Variants in HIBCH observed in about 807,000 individuals in gnomAD.
The protein encoded by HIBCH is 3-hydroxyisobutyryl-CoA hydrolase, mitochondrial.
Under a neutral mutation model 58.2 loss-of-function variants are expected in HIBCH, and 50 were observed. The ratio of observed to expected loss-of-function variants is 0.86; its 90% CI spans 0.68 to 1.09. HIBCH has a LOEUF of 1.09. Ranked by LOEUF, HIBCH falls within the 50% of genes least tolerant of loss-of-function variation. HIBCH has a pLI of 0.00. For synonymous variants in HIBCH, 151 were observed against 146.9 expected, an observed-to-expected ratio of 1.03 and a Z score of -0.20; for missense variants, 450 against 449.7, an observed-to-expected ratio of 1.00 and a Z score of -0.01.
chr2:190,202,883 G>A (rs1690290578), downstream of HIBCH: 1 of 167,026 alleles, frequency 6.0e-6, no homozygotes, highest in African/African-American at 2.4e-5. Context: ...TGTCGCTTAT[G>A]TACTGTTGTT....
intron 11 of HIBCH, among the ~76,000 whole-genome samples, chr2:190,229,840 C>T (rs1183863035): frequency 7.3e-6 from 1 of 137,514 alleles, no homozygotes; most frequent in Non-Finnish European, 1.5e-5. Flanking sequence ...TCTTATATGG[C>T]TGGATTTTTT....
intron 11 of HIBCH, among the ~76,000 whole-genome samples, chr2:190,235,505 C>A (rs1686249044): frequency 6.6e-6 from 1 of 152,150 alleles, no homozygotes; most frequent in African/African-American, 2.4e-5. Context: ...TATATGATTT[C>A]TGTATTTTTC....
At chr2:190,288,268 C>T (rs950727438) in intron 5 of HIBCH, among the ~76,000 whole-genome samples, 12 of 150,518 alleles carry the variant, frequency 8.0e-5, no homozygotes, top group Non-Finnish European at 1.6e-4. Flanking sequence ...CATTCTAAGT[C>T]TAATCATAAT....
At chr2:190,310,601 A>G (rs1271856529) in intron 2 of HIBCH, among the ~76,000 whole-genome samples, 153 bp downstream of exon 2, 1 of 152,196 alleles carries the variant, frequency 6.6e-6, no homozygotes. Context: ...ACCTCCTACA[A>G]GGTGCGTGTG....
At chr2:190,234,520 T>C (rs553578844) in intron 11 of HIBCH, among the ~76,000 whole-genome samples, 2 of 152,290 alleles carry the variant, frequency 1.3e-5, no homozygotes, top group South Asian at 2.1e-4. Flanking sequence ...CTCACAAATA[T>C]AGTGCTGAGC....
intron 11 of HIBCH, among the ~76,000 whole-genome samples, chr2:190,244,130 A>AAT (rs72093680): frequency 0.017 from 2,488 of 149,998 alleles, 43 homozygotes; most frequent in Non-Finnish European, 0.02. Context: ...TGTGGAGCCT[A>AAT]ATATATATAT....
At chr2:190,248,265 T>C (rs1405719618) in intron 9 of HIBCH, among the ~76,000 whole-genome samples, 1 of 152,188 alleles carries the variant, frequency 6.6e-6, no homozygotes, top group Non-Finnish European at 1.5e-5. Context: ...GGATTCTCAA[T>C]TGTGTTACAT....
intron 9 of HIBCH, among the ~76,000 whole-genome samples, 173 bp downstream of exon 9, chr2:190,249,467 C>T (rs1160766417): frequency 6.6e-6 from 1 of 152,184 alleles, no homozygotes; most frequent in South Asian, 2.1e-4. Context: ...ATCTTATTAG[C>T]TGGCTATACT....
chr2:190,298,243 T>A lies in HIBCH; in HGVS notation c.79-1290A>T, dbSNP rs1439167088. Among the ~76,000 whole-genome samples, 3 of 152,312 alleles carry A rather than the reference T, an allele frequency of 2.0e-5. No individual in the cohort carries two copies. The East Asian group carries it at 5.8e-4, about 29-fold the overall frequency. On this transcript the variant is annotated intron_variant, in intron 2 of 13. Coordinates refer to ENST00000359678, the MANE Select transcript of HIBCH (RefSeq NM_014362.4). ...GTGTACATGTGCCTTTCTAGTAGAATGACTTACAATCCTTTGGGTATATAC... is the reference window on the plus strand; with the variant it reads ...GTGTACATGTGCCTTTCTAGTAGAAAGACTTACAATCCTTTGGGTATATAC...
intron 11 of HIBCH, among the ~76,000 whole-genome samples, chr2:190,220,085 T>C (rs376411158): frequency 3.3e-5 from 5 of 152,216 alleles, no homozygotes; most frequent in African/African-American, 1.2e-4. Context: ...CAGATCTGAC[T>C]TGTTGGCTAT....
At chr2:190,205,686 G>A (rs1690373289) in intron 13 of HIBCH, among the ~76,000 whole-genome samples, 1 of 152,036 alleles carries the variant, frequency 6.6e-6, no homozygotes, top group Admixed American at 6.6e-5. Flanking sequence ...AGAGAAAAGG[G>A]GACTTCATGC....
rs1690520851 is a variant in HIBCH, at chr2:190,211,996, A to C, written c.1011+960T>G. Among the ~76,000 whole-genome samples the C allele has an allele frequency of 6.6e-6, 1 of 152,236 alleles. No individual in the cohort carries two copies. The highest frequency in any genetic ancestry group is 1.5e-5 in the Non-Finnish European group (1 of 68,044). On this transcript the variant is annotated intron_variant, in intron 12 of 13. Coordinates refer to ENST00000359678, the MANE Select transcript of HIBCH (RefSeq NM_014362.4). The surrounding 1 kb of genome is among the most constrained non-coding windows in gnomAD (Gnocchi z 5.0). ...CACTGGAGTAAGACTGCCTGGTTTC[A>C]TATGCCATATCTCTGTCACTTAATA...
In HIBCH at chr2:190,246,136, A is replaced by C. The variant is rs552073610; in HGVS notation, c.809+18T>G. On this transcript the variant is annotated intron_variant, in intron 10 of 13. Coordinates refer to ENST00000359678, the MANE Select transcript of HIBCH (RefSeq NM_014362.4). ...GTCTTTCTAAAGGAATATATAACTG[A>C]GATCTCTTTTTAGGTACCTGTTTAT... 1.2e-5 allele frequency: 17 copies of C among 1,410,012 alleles called. No individual in the cohort carries two copies. In the South Asian group the frequency reaches 1.7e-4, roughly 14 times the overall value. The allele number at this position is 1,410,012 out of a possible 1,614,324, so 87.3% of individuals were successfully genotyped here. A position where few individuals can be genotyped will look rare whatever the true frequency, so the allele number is the denominator to read the frequency against.
chr2:190,245,052 C>A (rs913481669), intron 10 of HIBCH, 84 bp from the exon 11 acceptor site: 1 of 870,778 alleles, frequency 1.1e-6, no homozygotes, highest in African/African-American at 1.7e-5. Context: ...ATAGGCTTTC[C>A]CCCACCTCTG....
At chr2:190,295,262 G>A (rs1001637606) in intron 3 of HIBCH, among the ~76,000 whole-genome samples, 3 of 152,182 alleles carry the variant, frequency 2.0e-5, no homozygotes, top group African/African-American at 7.2e-5. Flanking sequence ...TATACAGGTT[G>A]AGTATCCCTT....
intron 2 of HIBCH, among the ~76,000 whole-genome samples, chr2:190,299,701 A>G (rs972815802): frequency 6.6e-6 from 1 of 152,140 alleles, no homozygotes; most frequent in Non-Finnish European, 1.5e-5. Context: ...TTTTAGGTTC[A>G]GGGTACATGC....
At chr2:190,311,099 AAAAAG>A (rs1181515306) in intron 1 of HIBCH, 8 of 527,492 alleles carry the variant, frequency 1.5e-5, no homozygotes, top group South Asian at 5.1e-5. Context: ...CAGCCATGAA[AAAAAG>A]AAAAGAGCTA....
intron 13 of HIBCH, among the ~76,000 whole-genome samples, chr2:190,208,245 G>A (rs760264002): frequency 1.3e-5 from 2 of 152,216 alleles, no homozygotes; most frequent in Non-Finnish European, 2.9e-5. Context: ...AGGCAAGAAG[G>A]TGGAAAGTAG....
Position 190,243,405 on chromosome 2 carries a change from A to C in HIBCH, c.891+1482T>G, listed in dbSNP as rs1686509468. Among the ~76,000 whole-genome samples the C allele has an allele frequency of 6.6e-6, 1 of 152,156 alleles. No individual in the cohort carries two copies. Among genetic ancestry groups the C allele is most frequent in the Non-Finnish European group, 1.5e-5 (1 of 67,990 alleles). On this transcript the variant is annotated intron_variant, in intron 11 of 13. Transcript: ENST00000359678. The surrounding 1 kb of genome is among the most constrained non-coding windows in gnomAD (Gnocchi z 4.1). ...TGATTGTGCAGGTTAATACTTAATA[A>C]ACTCCCCTTTATATACATATCTCCT...
Sources: gnomAD v4.1 joint callset for allele counts (sites outside exome capture counted in the v4.1 genomes callset) on GRCh38, gnomAD v4.1.1 for gene constraint, Gnocchi (gnomAD v3.1) non-coding constraint, MANE v1.5 for transcripts, NCBI Gene and HGNC (gene_info 2026-07-23, HGNC 2026-07-21) for gene names.